Variants in SLC25A21 observed in about 807,000 individuals in gnomAD.
SLC25A21 encodes the protein solute carrier family 25 member 21, also known as mitochondrial 2-oxodicarboxylate carrier.
SLC25A21 carries 47 observed loss-of-function variants against 43.8 expected under a neutral mutation model. That is an observed-to-expected ratio of 1.07 (90% CI 0.85 to 1.37). The LOEUF is 1.37. Among genes scored for constraint, SLC25A21 ranks in the 40% most tolerant of loss-of-function variants. SLC25A21 has a pLI of 0.00. For missense variants in SLC25A21, 352 were observed against 350.2 expected, an observed-to-expected ratio of 1.00 and a Z score of -0.04; for synonymous variants, 131 against 121.3, an observed-to-expected ratio of 1.08 and a Z score of -0.52.
At chr14:37,163,976 C>A (rs1040299441) in intron 1 of SLC25A21, among the ~76,000 whole-genome samples, 1 of 152,106 alleles carries the variant, frequency 6.6e-6, no homozygotes, top group Non-Finnish European at 1.5e-5. Context: ...CTCTGAAACA[C>A]CTGGTTCTCA....
At chr14:36,833,193 CAG>C (rs1055015083) in intron 2 of SLC25A21, among the ~76,000 whole-genome samples, 1 of 152,102 alleles carries the variant, frequency 6.6e-6, no homozygotes, top group African/African-American at 2.4e-5. Context: ...TATATACACA[CAG>C]AGAGAAAATA....
At chr14:37,074,220 A>C (rs967468646) in intron 1 of SLC25A21, among the ~76,000 whole-genome samples, 1 of 152,152 alleles carries the variant, frequency 6.6e-6, no homozygotes, top group Non-Finnish European at 1.5e-5. Context: ...AAAAAAAAAA[A>C]ACCTCTGTTT....
At chr14:36,750,883 G>A (rs1885681185) in intron 3 of SLC25A21, among the ~76,000 whole-genome samples, 1 of 152,062 alleles carries the variant, frequency 6.6e-6, no homozygotes, top group Non-Finnish European at 1.5e-5. Context: ...CTGTTTTTGA[G>A]CCAAAGACTG....
intron 3 of SLC25A21, among the ~76,000 whole-genome samples, chr14:36,764,025 TGAAAGAAAGA>T (rs1886264114): frequency 2.8e-5 from 2 of 71,904 alleles, no homozygotes. Context: ...CAAGACTCTG[TGAAAGAAAGA>T]AAAAGAAAGA....
chr14:36,990,840 C>T (rs1405445522), intron 1 of SLC25A21, among the ~76,000 whole-genome samples: 4 of 151,872 alleles, frequency 2.6e-5, no homozygotes, highest in African/African-American at 7.3e-5. Context: ...ATGTTTGCAC[C>T]ACTGCGCTCC....
chr14:36,763,447 C>G (rs1463826186), intron 3 of SLC25A21, among the ~76,000 whole-genome samples: 1 of 152,174 alleles, frequency 6.6e-6, no homozygotes, highest in African/African-American at 2.4e-5. Flanking sequence ...GGATATTACA[C>G]TATTACAAAG....
chr14:36,974,023 A>AG (rs1959813942), intron 1 of SLC25A21, among the ~76,000 whole-genome samples: 1 of 152,322 alleles, frequency 6.6e-6, no homozygotes, highest in Non-Finnish European at 1.5e-5. Flanking sequence ...TACATATGAG[A>AG]GGGAAAAAAA....
At chr14:37,014,938 T>C (rs28826308) in intron 1 of SLC25A21, among the ~76,000 whole-genome samples, 59,885 of 151,898 alleles carry the variant, frequency 0.39, 12,986 homozygotes, top group African/African-American at 0.58. Context: ...TAGGTCTTCA[T>C]TGTGGGCTTA....
At position 36,871,542 on chromosome 14, in the gene SLC25A21, C is replaced by G. The variant is rs556089453; in HGVS notation, c.119+3414G>C. The stretch of plus-strand genomic sequence containing the variant: ...TGATGTTACAGCCACATAACCTAGC[C>G]TGTCTTAATTGACACAAGGCTTGGA... On this transcript the variant is annotated intron_variant, in intron 2 of 9. Coordinates refer to ENST00000331299, the MANE Select transcript of SLC25A21 (RefSeq NM_030631.4). Among the ~76,000 whole-genome samples, 7 of 152,276 alleles carry G rather than the reference C, an allele frequency of 4.6e-5. No individual in the cohort carries two copies. In the South Asian group the frequency reaches 1.0e-3, roughly 23 times the overall value.
At chr14:36,911,003 C>A (rs1200078605) in intron 1 of SLC25A21, among the ~76,000 whole-genome samples, 2 of 151,968 alleles carry the variant, frequency 1.3e-5, no homozygotes, top group African/African-American at 4.8e-5. Context: ...GAAATTAAAC[C>A]CAGCCTGTTA....
chr14:36,796,298 G>A (rs1044659671), intron 3 of SLC25A21, among the ~76,000 whole-genome samples: 3 of 152,086 alleles, frequency 2.0e-5, no homozygotes, highest in Admixed American at 2.0e-4. Context: ...TAAATCTATT[G>A]AGGAATAGAT....
chr14:37,149,051 G>A (rs1471110364), intron 1 of SLC25A21, among the ~76,000 whole-genome samples: 1 of 152,134 alleles, frequency 6.6e-6, no homozygotes, highest in Admixed American at 6.6e-5. Context: ...AATTACAGGC[G>A]TGAGCTATCT....
intron 2 of SLC25A21, among the ~76,000 whole-genome samples, chr14:36,818,277 A>G (rs1456592466): frequency 6.6e-6 from 1 of 152,204 alleles, no homozygotes; most frequent in East Asian, 1.9e-4. Flanking sequence ...ATCTGCAATT[A>G]AACTTTACCC....
Position 36,679,497 on chromosome 14 carries a change from A to T in SLC25A21, c.*1161T>A. The T allele has an allele frequency of 1.0e-5, 10 of 985,426 alleles. No homozygotes were observed. The highest frequency in any genetic ancestry group is 1.2e-5 in the Non-Finnish European group (10 of 829,918). 61.0% of individuals were successfully genotyped at this position (985,426 alleles called of 1,614,324 possible). The stretch of plus-strand genomic sequence containing the variant: ...TTCTTGTTGACTTTACTGAATCAGC[A>T]TCATCTCTGGATGCAGATATAAAAT... On this transcript the variant is annotated 3_prime_UTR_variant, in exon 10 of 10. Coordinates refer to ENST00000331299, the MANE Select transcript of SLC25A21 (RefSeq NM_030631.4).
intron 1 of SLC25A21, among the ~76,000 whole-genome samples, chr14:37,155,308 G>A (rs919232230): frequency 1.3e-5 from 2 of 152,028 alleles, no homozygotes; most frequent in African/African-American, 2.4e-5. Context: ...TACAGTGACT[G>A]AATTTATAAA....
intron 6 of SLC25A21, 77 bp from the exon 7 acceptor site, chr14:36,711,559 CT>C: frequency 6.8e-7 from 1 of 1,465,068 alleles, no homozygotes. Flanking sequence ...ATTAACTTCC[CT>C]TCAAGCCAGA....
intron 1 of SLC25A21, among the ~76,000 whole-genome samples, chr14:37,148,229 T>A (rs536452748): frequency 7.9e-5 from 12 of 152,344 alleles, no homozygotes; most frequent in African/African-American, 2.9e-4. Context: ...AATGTGATTT[T>A]ATATATACTG....
intron 3 of SLC25A21, among the ~76,000 whole-genome samples, chr14:36,736,214 C>T (rs1046903731): frequency 3.3e-5 from 5 of 152,166 alleles, no homozygotes; most frequent in South Asian, 2.1e-4. Context: ...GGATTACAGG[C>T]GTGAGCCACC....
chr14:37,024,576 T>G (rs117079008), intron 1 of SLC25A21, among the ~76,000 whole-genome samples: 1 of 152,016 alleles, frequency 6.6e-6, no homozygotes, highest in Non-Finnish European at 1.5e-5. Flanking sequence ...CGTTTACCCT[T>G]TGGGAGGAAG....
Sources: gnomAD v4.1 joint callset for allele counts (sites outside exome capture counted in the v4.1 genomes callset) on GRCh38, gnomAD v4.1.1 for gene constraint, MANE v1.5 for transcripts, NCBI Gene and HGNC (gene_info 2026-07-23, HGNC 2026-07-21) for gene names.